TAOK1: variants seen among roughly 807,000 people sequenced by gnomAD.
TAOK1 encodes TAO kinase 1, also known as serine/threonine-protein kinase TAO1.
In TAOK1, 21 loss-of-function variants were observed where a neutral mutation model predicts 138.3. That is an observed-to-expected ratio of 0.15 (90% CI 0.11 to 0.22). TAOK1 has a LOEUF of 0.22. Among genes scored for constraint, TAOK1 ranks in the 10% least tolerant of loss-of-function variants. The pLI is 1.00. For missense variants in TAOK1, 651 were observed against 1,227.7 expected (o/e 0.53, Z 7.02); for synonymous variants, 361 against 398.4 (o/e 0.91, Z 1.12).
rs57794003 is a variant in TAOK1, at chr17:29,465,128, ATTTTTTTTT to A, written c.133-1996_133-1988del. Among the ~76,000 whole-genome samples, 612 of 63,142 alleles carry A rather than the reference ATTTTTTTTT, an allele frequency of 9.7e-3. 6 individuals carry two copies. The highest frequency in any genetic ancestry group is 0.039 in the African/African-American group (574 of 14,704). 41.4% of individuals were successfully genotyped at this position (63,142 alleles called of 152,430 possible). On this transcript the variant is annotated intron_variant, in intron 2 of 19. Transcript: ENST00000261716. ...AAGCCACCATGCCTGGTCTTATTTA[ATTTTTTTTT>A]TTTTTTTTTTTTTTTTTTTTGAGAT...
intron 7 of TAOK1, 87 bp from the exon 8 acceptor site, chr17:29,482,110 G>C: frequency 1.1e-6 from 1 of 917,570 alleles, no homozygotes; most frequent in Non-Finnish European, 1.7e-6. Context: ...TCAAACCAGT[G>C]ATCTCCATGT....
intron 2 of TAOK1, among the ~76,000 whole-genome samples, chr17:29,459,544 C>G (rs1291158560): frequency 6.6e-6 from 1 of 152,148 alleles, no homozygotes; most frequent in African/African-American, 2.4e-5. Flanking sequence ...GCCTCAGCCT[C>G]CCAGTTACAG....
chr17:29,516,701 A>AT (rs1189780002), intron 15 of TAOK1, among the ~76,000 whole-genome samples: 5 of 151,126 alleles, frequency 3.3e-5, no homozygotes, highest in Admixed American at 2.6e-4. Flanking sequence ...GGGTTTCTCC[A>AT]TGTTGGTCAC....
At position 29,495,734 on chromosome 17, in the gene TAOK1, G is replaced by C. The variant is rs763372228; in HGVS notation, c.999+7G>C. The C allele has an allele frequency of 8.2e-6, 13 of 1,577,818 alleles. No individual in the cohort carries two copies. Among genetic ancestry groups the C allele is most frequent in the Non-Finnish European group, 1.0e-5 (12 of 1,162,448 alleles). Reference sequence around the variant, plus strand: ...AGCACAGGAAGAAGAAGAGGTAAGAGATAAAAAAATGACTCCAATATTGAA... The same window carrying C: ...AGCACAGGAAGAAGAAGAGGTAAGACATAAAAAAATGACTCCAATATTGAA... On this transcript the variant is annotated splice_region_variant and intron_variant, in intron 11 of 19. Transcript: ENST00000261716.
intron 19 of TAOK1, among the ~76,000 whole-genome samples, chr17:29,534,824 T>C (rs1034943971): frequency 3.3e-5 from 5 of 152,020 alleles, no homozygotes; most frequent in African/African-American, 1.2e-4. Flanking sequence ...GCTGAAAAAA[T>C]GTTATTTCTA....
intron 2 of TAOK1, among the ~76,000 whole-genome samples, chr17:29,463,913 A>G (rs1190029913): frequency 6.6e-6 from 1 of 152,240 alleles, no homozygotes; most frequent in Non-Finnish European, 1.5e-5. Flanking sequence ...ACCTTGAATC[A>G]AGATTTCTTC....
intron 19 of TAOK1, among the ~76,000 whole-genome samples, chr17:29,536,261 T>C (rs967557645): frequency 6.6e-6 from 1 of 151,614 alleles, no homozygotes; most frequent in Non-Finnish European, 1.5e-5. Context: ...ATGGCGCCAC[T>C]GCACTCCAGC....
At chr17:29,412,795 T>C (rs1905178329) in intron 1 of TAOK1, among the ~76,000 whole-genome samples, 2 of 152,208 alleles carry the variant, frequency 1.3e-5, no homozygotes, top group African/African-American at 4.8e-5. Context: ...AAGCACAGCA[T>C]AGCTTCATGA....
intron 1 of TAOK1, among the ~76,000 whole-genome samples, chr17:29,447,374 C>G (rs1024561677): frequency 6.6e-6 from 1 of 151,968 alleles, no homozygotes. Context: ...GCTGTGTCAC[C>G]CAGACTGGAG....
chr17:29,440,628 T>C (rs1598482198), intron 1 of TAOK1, among the ~76,000 whole-genome samples: 1 of 151,834 alleles, frequency 6.6e-6, no homozygotes, highest in Non-Finnish European at 1.5e-5. Context: ...CAGGCTGGAG[T>C]GCAGTCACGC....
intron 1 of TAOK1, among the ~76,000 whole-genome samples, chr17:29,432,295 C>G (rs1905866068): frequency 6.6e-6 from 1 of 152,206 alleles, no homozygotes; most frequent in Non-Finnish European, 1.5e-5. Context: ...GGAGCATGTC[C>G]TTAAGGCACA....
intron 1 of TAOK1, among the ~76,000 whole-genome samples, chr17:29,395,580 G>C (rs190305607): frequency 6.7e-6 from 1 of 150,140 alleles, no homozygotes; most frequent in African/African-American, 2.4e-5. Flanking sequence ...GTAAAGTTTC[G>C]CATAAAATTG....
chr17:29,422,266 C>T (rs936327669), intron 1 of TAOK1, among the ~76,000 whole-genome samples: 17 of 151,806 alleles, frequency 1.1e-4, no homozygotes, highest in Admixed American at 8.5e-4. Context: ...TGCAGTGGCG[C>T]AGTCTCGGCT....
intron 1 of TAOK1, among the ~76,000 whole-genome samples, chr17:29,413,987 A>G (rs899110153): frequency 7.2e-6 from 1 of 139,602 alleles, no homozygotes; most frequent in Non-Finnish European, 1.5e-5. Flanking sequence ...GGTTCACGCC[A>G]TTCTCCTGCC....
intron 1 of TAOK1, among the ~76,000 whole-genome samples, chr17:29,416,755 C>T (rs904734908): frequency 2.0e-5 from 3 of 151,868 alleles, no homozygotes; most frequent in Non-Finnish European, 2.9e-5. Flanking sequence ...TTGATACTAC[C>T]GTAGAGAGGC....
At position 29,390,824 on chromosome 17, in the gene TAOK1, C is replaced by G. The variant is rs931547436; in HGVS notation, c.-295C>G. On this transcript the variant is annotated 5_prime_UTR_variant, in exon 1 of 20. Coordinates refer to ENST00000261716, the MANE Select transcript of TAOK1 (RefSeq NM_020791.4). ...CTCCTCGACCCCGGTCGTCCCCTCGCCCCCCCCCCCACCCCCCGCCGCCGC... is the reference window on the plus strand; with the variant it reads ...CTCCTCGACCCCGGTCGTCCCCTCGGCCCCCCCCCCACCCCCCGCCGCCGC... 8.2e-6 allele frequency: 1 copy of G among 121,974 alleles called. No homozygotes were observed. Among genetic ancestry groups the G allele is most frequent in the Non-Finnish European group, 1.8e-5 (1 of 55,714 alleles). 7.6% of individuals were successfully genotyped at this position (121,974 alleles called of 1,614,324 possible). A position where few individuals can be genotyped will look rare whatever the true frequency, so the allele number is the denominator to read the frequency against.
chr17:29,445,879 G>A (rs1484670873), intron 1 of TAOK1, among the ~76,000 whole-genome samples: 1 of 151,854 alleles, frequency 6.6e-6, no homozygotes, highest in African/African-American at 2.4e-5. Context: ...ATGTAGAATT[G>A]GTATTTTTTT....
At chr17:29,479,286 T>C (rs2031009493) in intron 6 of TAOK1, among the ~76,000 whole-genome samples, 1 of 152,202 alleles carries the variant, frequency 6.6e-6, no homozygotes, top group South Asian at 2.1e-4. Context: ...GTTCTAGCTG[T>C]TTTAGAAGAA....
chr17:29,493,243 A>C (rs1442720222), intron 10 of TAOK1, among the ~76,000 whole-genome samples: 1 of 147,056 alleles, frequency 6.8e-6, no homozygotes, highest in Non-Finnish European at 1.5e-5. Context: ...TCCTGTAATC[A>C]CAGCACTTTG....
Sources: gnomAD v4.1 joint callset for allele counts (sites outside exome capture counted in the v4.1 genomes callset) on GRCh38, gnomAD v4.1.1 for gene constraint, MANE v1.5 for transcripts, NCBI Gene and HGNC (gene_info 2026-07-23, HGNC 2026-07-21) for gene names.